Variants in LNPK observed in about 807,000 individuals in gnomAD.
The protein encoded by LNPK is endoplasmic reticulum junction formation protein lunapark.
LNPK carries 29 observed loss-of-function variants against 55.2 expected under a neutral mutation model. That is an observed-to-expected ratio of 0.53 (90% CI 0.39 to 0.72). The LOEUF (loss-of-function observed/expected upper bound fraction) is 0.72, where lower values mean the gene tolerates loss of function less well. LNPK is among the 30% of genes least tolerant of loss of function. LNPK has a pLI of 0.00. For missense variants in LNPK, 467 were observed against 494.8 expected, an observed-to-expected ratio of 0.94 and a Z score of 0.53; for synonymous variants, 162 against 168.2, an observed-to-expected ratio of 0.96 and a Z score of 0.29.
chr2:175,943,822 C>G (rs1228466301), intron 9 of LNPK, among the ~76,000 whole-genome samples: 3 of 152,046 alleles, frequency 2.0e-5, no homozygotes, highest in African/African-American at 7.2e-5. Context: ...GAGCTAACAT[C>G]ATGCAAAACT....
intron 4 of LNPK, among the ~76,000 whole-genome samples, chr2:175,980,923 A>T (rs961872561): frequency 1.7e-4 from 26 of 148,780 alleles, no homozygotes; most frequent in African/African-American, 6.4e-4. Flanking sequence ...AAAAAAAAAG[A>T]AAGAAAGAAG....
At chr2:176,002,429 G>A, upstream of LNPK, 1 of 334,110 alleles carries the variant, frequency 3.0e-6, no homozygotes, top group South Asian at 2.2e-5. Flanking sequence ...TGTGGCCTCC[G>A]CAGCCAGCTT....
chr2:176,001,794 T>C (rs906289947), intron 1 of LNPK, among the ~76,000 whole-genome samples: 2 of 152,102 alleles, frequency 1.3e-5, no homozygotes, highest in African/African-American at 4.8e-5. Flanking sequence ...TTGCCCCACC[T>C]GTGTCGAGAT....
At chr2:175,946,831 A>G (rs1311579608) in intron 9 of LNPK, among the ~76,000 whole-genome samples, 1 of 152,172 alleles carries the variant, frequency 6.6e-6, no homozygotes, top group Non-Finnish European at 1.5e-5. Flanking sequence ...GTGGACTTCC[A>G]TGCCCCAGTC....
At chr2:175,931,992 C>T (rs146339072) in intron 12 of LNPK, 180 of 318,924 alleles carry the variant, frequency 5.6e-4, no homozygotes, top group African/African-American at 3.5e-3. Context: ...GCAAGAACTT[C>T]ACAATTTCTT....
At chr2:175,942,589 A>T (rs1019798494) in intron 9 of LNPK, among the ~76,000 whole-genome samples, 1 of 152,112 alleles carries the variant, frequency 6.6e-6, no homozygotes, top group Non-Finnish European at 1.5e-5. Flanking sequence ...ATAACCCAGG[A>T]TTCAAAGAAA....
At chr2:175,931,770 A>G (rs554726694) in intron 12 of LNPK, among the ~76,000 whole-genome samples, 1 of 152,186 alleles carries the variant, frequency 6.6e-6, no homozygotes, top group Non-Finnish European at 1.5e-5. Context: ...TTGTTATTTC[A>G]ATGTTCCAGA....
chr2:175,946,520 TGAA>T (rs1438267982), intron 9 of LNPK, among the ~76,000 whole-genome samples: 3 of 152,270 alleles, frequency 2.0e-5, no homozygotes, highest in East Asian at 1.9e-4. Flanking sequence ...TGTTAATAAA[TGAA>T]GAGTTTTTTT....
intron 4 of LNPK, among the ~76,000 whole-genome samples, chr2:175,982,835 G>A (rs1687237560): frequency 6.6e-6 from 1 of 152,156 alleles, no homozygotes; most frequent in African/African-American, 2.4e-5. Flanking sequence ...TGAAGATATT[G>A]ACGATATTAA....
At position 175,927,840 on chromosome 2, in the gene LNPK, T is replaced by C. The variant is rs1003605652; in HGVS notation, c.*2127A>G. On this transcript the variant is annotated 3_prime_UTR_variant, in exon 13 of 13. Coordinates refer to ENST00000272748, the MANE Select transcript of LNPK (RefSeq NM_030650.3). ...AAAGGATACTATATGGTTACAAACA[T>C]GTTACCTATCGCATTAATTTTACTA... 1 of 152,186 alleles carries C rather than the reference T, an allele frequency of 6.6e-6. No individual in the cohort carries two copies. Among genetic ancestry groups the C allele is most frequent in the African/African-American group, 2.4e-5 (1 of 41,448 alleles). The allele number at this position is 152,186 out of a possible 1,614,324, so 9.4% of individuals were successfully genotyped here.
In LNPK at chr2:175,998,369, G is replaced by A. The variant is rs897963374; in HGVS notation, c.-62-2723C>T. On this transcript the variant is annotated intron_variant, in intron 1 of 12. Coordinates refer to ENST00000272748, the MANE Select transcript of LNPK (RefSeq NM_030650.3). ...TGAGGCAGAGAATTGCTTGAACCCAGGAGGCGGAGGTTGCAGTGAGCCAAG... is the reference window on the plus strand; with the variant it reads ...TGAGGCAGAGAATTGCTTGAACCCAAGAGGCGGAGGTTGCAGTGAGCCAAG... Among the ~76,000 whole-genome samples, 5 of 151,652 alleles carry A rather than the reference G, an allele frequency of 3.3e-5. No individual in the cohort carries two copies. The South Asian group carries it at 1.0e-3, about 32-fold the overall frequency.
rs561505936 is a variant in LNPK, at chr2:175,966,034, T to C, written c.358-1445A>G. On this transcript the variant is annotated intron_variant, in intron 6 of 12. Transcript: ENST00000272748. ...ATAAATGAGCACTTAAAATGTTGCT[T>C]GTGCAACTGGGGAACTGAATTTGTA... is the stretch of plus-strand genomic sequence containing the variant. Among the ~76,000 whole-genome samples the C allele has an allele frequency of 2.0e-5, 3 of 152,302 alleles. No individual in the cohort carries two copies. In the East Asian group the frequency reaches 5.8e-4, roughly 29 times the overall value.
intron 6 of LNPK, among the ~76,000 whole-genome samples, chr2:175,966,260 C>T (rs377066184): frequency 1.3e-5 from 2 of 152,132 alleles, no homozygotes; most frequent in East Asian, 1.9e-4. Flanking sequence ...GACGAGGTTT[C>T]GCCATGTTGG....
chr2:175,978,326 G>A (rs1574879168), intron 5 of LNPK, among the ~76,000 whole-genome samples: 2 of 151,988 alleles, frequency 1.3e-5, no homozygotes, highest in South Asian at 2.1e-4. Context: ...TTTTATTCTC[G>A]GAGGGTATTG....
chr2:175,975,401 T>C (rs1350288153), intron 5 of LNPK, among the ~76,000 whole-genome samples: 3 of 152,204 alleles, frequency 2.0e-5, no homozygotes, highest in Non-Finnish European at 1.5e-5. Context: ...CTTTCATATA[T>C]AGTAACATTT....
In LNPK at chr2:175,927,838, CAT is replaced by C. The variant is rs1274792188; in HGVS notation, c.*2127_*2128del. The C allele has an allele frequency of 1.3e-5, 2 of 152,058 alleles. No homozygotes were observed. Among genetic ancestry groups the C allele is most frequent in the Non-Finnish European group, 2.9e-5 (2 of 67,996 alleles). 9.4% of individuals were successfully genotyped at this position (152,058 alleles called of 1,614,324 possible). On this transcript the variant is annotated 3_prime_UTR_variant, in exon 13 of 13. Transcript: ENST00000272748. ...TAAAAGGATACTATATGGTTACAAACATGTTACCTATCGCATTAATTTTACTA... is the reference window on the plus strand; with the variant it reads ...TAAAAGGATACTATATGGTTACAAACGTTACCTATCGCATTAATTTTACTA...
intron 1 of LNPK, among the ~76,000 whole-genome samples, chr2:175,997,910 T>C (rs1688008612): frequency 1.3e-5 from 2 of 151,648 alleles, no homozygotes; most frequent in South Asian, 4.2e-4. Context: ...GGCTAATTTT[T>C]TTTTTTTTTT....
At chr2:175,958,590 A>T (rs1685820713) in intron 8 of LNPK, among the ~76,000 whole-genome samples, 1 of 152,252 alleles carries the variant, frequency 6.6e-6, no homozygotes, top group African/African-American at 2.4e-5. Context: ...TACCAAAGGT[A>T]GATAAAACCA....
chr2:175,994,859 T>TA (rs1687859066), intron 2 of LNPK, among the ~76,000 whole-genome samples: 1 of 152,134 alleles, frequency 6.6e-6, no homozygotes, highest in Admixed American at 6.6e-5. Context: ...AGTCAATATT[T>TA]ATGATAAGCT....
Sources: allele counts gnomAD v4.1 joint callset (sites outside exome capture counted in the v4.1 genomes callset), GRCh38; gene constraint gnomAD v4.1.1; transcripts MANE v1.5; gene names NCBI Gene and HGNC (gene_info 2026-07-23, HGNC 2026-07-21).